The following DLG2 variants were observed in gnomAD, a reference collection of about 807,000 sequenced individuals.
DLG2 encodes the protein disks large homolog 2.
In DLG2, 45 loss-of-function variants were observed where a neutral mutation model predicts 132.5. That is an observed-to-expected ratio of 0.34 (90% CI 0.27 to 0.44). The LOEUF is 0.44. DLG2 is among the 20% of genes least tolerant of loss of function. DLG2 has a pLI of 1.00. For missense variants in DLG2, 1,045 were observed against 1,196.9 expected, an observed-to-expected ratio of 0.87 and a Z score of 1.87; for synonymous variants, 424 against 419.6, an observed-to-expected ratio of 1.01 and a Z score of -0.13.
At chr11:84,245,445 T>C (rs1228452933) in intron 8 of DLG2, among the ~76,000 whole-genome samples, 2 of 152,202 alleles carry the variant, frequency 1.3e-5, no homozygotes, top group African/African-American at 4.8e-5. Context: ...GACCCACTCA[T>C]ATTCTTCATA....
At chr11:83,959,938 G>GT (rs1298603985) in intron 14 of DLG2, among the ~76,000 whole-genome samples, 2 of 151,972 alleles carry the variant, frequency 1.3e-5, no homozygotes, top group African/African-American at 4.8e-5. Flanking sequence ...TGATCCTTTT[G>GT]TTTTTATTAC....
In DLG2 at chr11:83,729,095, C is replaced by T. The variant is rs139432606; in HGVS notation, c.1825+57595G>A. Among the ~76,000 whole-genome samples, 1,304 of 152,200 alleles carry T rather than the reference C, an allele frequency of 8.6e-3. 18 individuals are homozygous for T. Among genetic ancestry groups the T allele is most frequent in the African/African-American group, 0.029 (1,198 of 41,526 alleles). The stretch of plus-strand genomic sequence containing the variant: ...GACAATGCTAGGTAAGAAAAAGTCC[C>T]ACCCAGGAAAGACATGTGTAAGTCT... On this transcript the variant is annotated intron_variant, in intron 18 of 27. Coordinates refer to ENST00000376104, the MANE Select transcript of DLG2 (RefSeq NM_001142699.3).
At chr11:84,266,221 T>A (rs2097630975) in intron 7 of DLG2, among the ~76,000 whole-genome samples, 1 of 152,184 alleles carries the variant, frequency 6.6e-6, no homozygotes, top group Non-Finnish European at 1.5e-5. Context: ...ACAAGACCGG[T>A]AGTCAAAGAA....
chr11:84,952,702 A>G (rs559743577), intron 6 of DLG2, among the ~76,000 whole-genome samples: 66 of 152,236 alleles, frequency 4.3e-4, no homozygotes, highest in Admixed American at 7.2e-4. Flanking sequence ...ATTTTAAAAA[A>G]AGAATGTAAT....
intron 6 of DLG2, among the ~76,000 whole-genome samples, chr11:85,013,681 A>G (rs562865364): frequency 6.6e-6 from 1 of 152,326 alleles, no homozygotes; most frequent in East Asian, 1.9e-4. Flanking sequence ...AGAAATGCCC[A>G]TAAGAGAAGA....
chr11:84,444,140 T>C (rs1196296382), intron 7 of DLG2, among the ~76,000 whole-genome samples: 1 of 152,078 alleles, frequency 6.6e-6, no homozygotes, highest in African/African-American at 2.4e-5. Context: ...ATGTTCTCAC[T>C]TATAAGTGGG....
At chr11:83,865,167 C>G (rs562194586) in intron 16 of DLG2, among the ~76,000 whole-genome samples, 3 of 152,120 alleles carry the variant, frequency 2.0e-5, no homozygotes, top group African/African-American at 7.2e-5. Flanking sequence ...TTTTGTCAGT[C>G]AGACTAAAAG....
At chr11:83,687,991 A>C (rs2080120327) in intron 18 of DLG2, among the ~76,000 whole-genome samples, 1 of 151,730 alleles carries the variant, frequency 6.6e-6, no homozygotes, top group Admixed American at 6.6e-5. Flanking sequence ...TGCCTGGGTG[A>C]CAGAGCAAGG....
intron 6 of DLG2, among the ~76,000 whole-genome samples, chr11:84,738,120 C>T (rs1262802468): frequency 6.6e-6 from 1 of 151,948 alleles, no homozygotes. Flanking sequence ...GTGTTAAAGG[C>T]TCAGAAATAG....
chr11:84,036,714 C>T (rs2095872732), intron 11 of DLG2, among the ~76,000 whole-genome samples: 1 of 152,062 alleles, frequency 6.6e-6, no homozygotes. Context: ...AGTTTTAAAA[C>T]TTGTGAATTA....
At chr11:85,008,066 T>A (rs1184097852) in intron 6 of DLG2, among the ~76,000 whole-genome samples, 1 of 152,170 alleles carries the variant, frequency 6.6e-6, no homozygotes, top group Non-Finnish European at 1.5e-5. Flanking sequence ...AATATATGAA[T>A]AGTCACACTA....
chr11:83,953,219 T>C (rs999274684), intron 14 of DLG2, among the ~76,000 whole-genome samples: 2 of 152,192 alleles, frequency 1.3e-5, no homozygotes, highest in Admixed American at 1.3e-4. Context: ...AATATTAATA[T>C]AGTAAACTCA....
At chr11:84,533,084 C>A (rs142847916) in intron 7 of DLG2, among the ~76,000 whole-genome samples, 18 of 152,284 alleles carry the variant, frequency 1.2e-4, no homozygotes, top group African/African-American at 3.9e-4. Context: ...AAACCTCTGA[C>A]GAGTCATTAT....
intron 7 of DLG2, among the ~76,000 whole-genome samples, chr11:84,378,625 A>T (rs1029365062): frequency 2.2e-4 from 34 of 152,026 alleles, no homozygotes; most frequent in Admixed American, 9.2e-4. Flanking sequence ...TGTGTGTTCT[A>T]AAAACCACCA....
chr11:85,574,691 C>T (rs1006177138), intron 3 of DLG2, among the ~76,000 whole-genome samples: 1 of 152,090 alleles, frequency 6.6e-6, no homozygotes, highest in Non-Finnish European at 1.5e-5. Flanking sequence ...CTGGGACCCA[C>T]CCCTCGTCTC....
chr11:85,288,192 A>G (rs2078677218), intron 3 of DLG2, among the ~76,000 whole-genome samples: 1 of 152,004 alleles, frequency 6.6e-6, no homozygotes, highest in South Asian at 2.1e-4. Context: ...ATTTTCATAA[A>G]TAATAAAGAA....
At chr11:84,136,056 T>A (rs1053583494) in intron 9 of DLG2, among the ~76,000 whole-genome samples, 1 of 152,142 alleles carries the variant, frequency 6.6e-6, no homozygotes, top group African/African-American at 2.4e-5. Context: ...TTCTGGCTAA[T>A]CAGATGGCGA....
chr11:85,107,270 A>C (rs969207195), intron 6 of DLG2, among the ~76,000 whole-genome samples: 2 of 152,062 alleles, frequency 1.3e-5, no homozygotes, highest in African/African-American at 4.8e-5. Context: ...ATATGCAACA[A>C]AACAAAAGAA....
At chr11:85,335,233 C>T (rs571675956) in intron 3 of DLG2, among the ~76,000 whole-genome samples, 2 of 108,524 alleles carry the variant, frequency 1.8e-5, no homozygotes, top group Admixed American at 2.1e-4. Flanking sequence ...GAAATAACAG[C>T]ATCTCTGCTT....
Sources: gnomAD v4.1 joint callset for allele counts (sites outside exome capture counted in the v4.1 genomes callset) on GRCh38, gnomAD v4.1.1 for gene constraint, MANE v1.5 for transcripts, NCBI Gene and HGNC (gene_info 2026-07-23, HGNC 2026-07-21) for gene names.